IL17F: variants seen among roughly 807,000 people sequenced by gnomAD.
IL17F encodes the protein interleukin 17F.
A neutral mutation model predicts 8.3 loss-of-function variants in IL17F; 6 were observed. That is an observed-to-expected ratio of 0.73 (90% confidence interval 0.40 to 1.43). The LOEUF is 1.43. Among genes scored for constraint, IL17F ranks in the 40% most tolerant of loss-of-function variants. IL17F has a pLI of 0.02. For missense variants in IL17F, 204 were observed against 209.6 expected, an observed-to-expected ratio of 0.97 and a Z score of 0.17; for synonymous variants, 98 against 81.6, an observed-to-expected ratio of 1.20 and a Z score of -1.08.
At chr6:52,238,440 C>T (rs1030133201) in intron 2 of IL17F, among the ~76,000 whole-genome samples, 3 of 152,142 alleles carry the variant, frequency 2.0e-5, no homozygotes, top group Admixed American at 2.0e-4. Flanking sequence ...TTTAAAGAAC[C>T]CTCTCTTCCA....
In IL17F at chr6:52,237,023, G is replaced by T. The variant is rs1316494362; in HGVS notation, c.400C>A (p.His134Asn). 1.9e-6 allele frequency: 3 copies of T among 1,614,232 alleles called. No homozygotes were observed. The highest frequency in any genetic ancestry group is 2.5e-6 in the Non-Finnish European group (3 of 1,180,026). Residue 134 changes from histidine (H) to asparagine (N), a missense_variant, in exon 3 of 3, where the codon CAC (histidine) becomes AAC (asparagine). By Grantham distance (68) the His-to-Asn change is moderately conservative. Transcript: ENST00000336123. ...QQETLVVRRKHQGCSVSFQLE... is the reference protein window; with the variant it reads ...QQETLVVRRKNQGCSVSFQLE... Reference sequence around the variant, plus strand: ...TGGAAAGAAACAGAGCAGCCTTGGTGCTTCCTCCGGACGACCAGGGTCTCT... The same window carrying T: ...TGGAAAGAAACAGAGCAGCCTTGGTTCTTCCTCCGGACGACCAGGGTCTCT...
rs780766050 is a variant in IL17F at position 52,238,796 on chromosome 6, T to C, written c.188A>G (p.Asn63Ser). The C allele has an allele frequency of 2.2e-5, 35 of 1,614,068 alleles. No homozygotes were observed. Among genetic ancestry groups the C allele is most frequent in the Non-Finnish European group, 2.3e-5 (27 of 1,180,032 alleles). ...GSMKLDIGII[N>S]ENQRVSMSRN... ...TGACATGGAAACGCGCTGGTTTTCA[T>C]TGATGATGCCAATGTCAAGCTTCAT... The change falls in exon 2 of 3, where the codon AAT (asparagine) becomes AGT (serine). Residue 63 changes from asparagine to serine, a missense_variant. Transcript: ENST00000336123.
intron 2 of IL17F, 73 bp downstream of exon 2, chr6:52,238,657 T>C (rs1764010959): frequency 1.6e-6 from 2 of 1,289,380 alleles, no homozygotes; most frequent in Non-Finnish European, 2.2e-6. Flanking sequence ...TATTCTACAT[T>C]TTCTACTTTA....
intron 1 of IL17F, among the ~76,000 whole-genome samples, chr6:52,243,261 T>C (rs1764102983): frequency 2.0e-5 from 3 of 152,230 alleles, no homozygotes; most frequent in Admixed American, 2.0e-4. Context: ...AATAATATGA[T>C]GCGGGATTTC....
rs963528810 is a variant in IL17F at position 52,244,483 on chromosome 6, C to T, written c.-54G>A. ...AAGCTCTTTCTGTGAATGTATCTTC[C>T]TGTGTATGCCTGTGTTCTATCAATG... is the stretch of plus-strand genomic sequence containing the variant. On this transcript the variant is annotated 5_prime_UTR_variant, in exon 1 of 3. Coordinates refer to ENST00000336123, the MANE Select transcript of IL17F (RefSeq NM_052872.4). The T allele has an allele frequency of 2.6e-6, 4 of 1,516,010 alleles. No individual in the cohort carries two copies. The East Asian group carries it at 6.8e-5, about 26-fold the overall frequency. 93.9% of individuals were successfully genotyped at this position (1,516,010 alleles called of 1,614,324 possible).
In IL17F at chr6:52,237,051, C is replaced by T. The variant is rs1193540691; in HGVS notation, c.372G>A (p.Gln124=). 1 of 1,614,242 alleles carries T rather than the reference C, an allele frequency of 6.2e-7. No individual in the cohort carries two copies. The highest frequency in any genetic ancestry group is 1.1e-5 in the South Asian group (1 of 91,090). Residue 124 remains glutamine (Q), a synonymous_variant, in exon 3 of 3, where the codon CAG becomes CAA. Transcript: ENST00000336123. ...TCCTCCGGACGACCAGGGTCTCTTG[C>T]TGGATGGGAACGGAATTCATGGAGA... ...EDISMNSVPI[Q]QETLVVRRKH...
At chr6:52,242,621 C>T (rs556675366) in intron 1 of IL17F, among the ~76,000 whole-genome samples, 2 of 152,318 alleles carry the variant, frequency 1.3e-5, no homozygotes, top group East Asian at 3.9e-4. Flanking sequence ...GAAAAGCATA[C>T]TGTATGTGGA....
chr6:52,241,006 G>A (rs1764065081), intron 1 of IL17F, among the ~76,000 whole-genome samples: 1 of 152,162 alleles, frequency 6.6e-6, no homozygotes, highest in South Asian at 2.1e-4. Context: ...GTGCTACACA[G>A]TGGACTAGAC....
intron 1 of IL17F, among the ~76,000 whole-genome samples, chr6:52,242,334 C>A (rs896223891): frequency 3.3e-5 from 5 of 152,218 alleles, no homozygotes; most frequent in African/African-American, 1.2e-4. Flanking sequence ...CCTCTATACT[C>A]ACCAGCAATG....
In IL17F at chr6:52,236,879, G is replaced by T; in HGVS notation, c.*52C>A. The T allele has an allele frequency of 7.1e-7, 1 of 1,415,070 alleles. No individual in the cohort carries two copies. Among genetic ancestry groups the T allele is most frequent in the Non-Finnish European group, 1.0e-6 (1 of 999,072 alleles). The allele number at this position is 1,415,070 out of a possible 1,614,324, so 87.7% of individuals were successfully genotyped here. A position where few individuals can be genotyped will look rare whatever the true frequency, so the allele number is the denominator to read the frequency against. On this transcript the variant is annotated 3_prime_UTR_variant, in exon 3 of 3. Transcript: ENST00000336123. The stretch of plus-strand genomic sequence containing the variant: ...CAGACAGGACTTGTTGCAGAGCACT[G>T]GGTAAGGAGTGGCATTTCTACAGCT...
intron 1 of IL17F, among the ~76,000 whole-genome samples, chr6:52,243,848 C>T (rs527861588): frequency 1.3e-5 from 2 of 152,188 alleles, no homozygotes; most frequent in East Asian, 1.9e-4. Context: ...TTGCAACCTC[C>T]GCCTCCCAGG....
chr6:52,240,734 T>C (rs906456725), intron 1 of IL17F, among the ~76,000 whole-genome samples: 7 of 152,042 alleles, frequency 4.6e-5, no homozygotes, highest in African/African-American at 1.2e-4. Flanking sequence ...TAATCAGCAA[T>C]CATCAACTTT....
In IL17F at chr6:52,236,999, G is replaced by T; in HGVS notation, c.424C>A (p.Gln142Lys). 6.2e-7 allele frequency: 1 copy of T among 1,614,180 alleles called. No individual in the cohort carries two copies. The highest frequency in any genetic ancestry group is 2.2e-5 in the East Asian group (1 of 44,884). The change falls in exon 3 of 3, where the codon CAG (glutamine) becomes AAG (lysine). Residue 142 changes from glutamine (Q) to lysine (K), a missense_variant. Coordinates refer to ENST00000336123, the MANE Select transcript of IL17F (RefSeq NM_052872.4). Reference protein sequence around the residue: ...RKHQGCSVSFQLEKVLVTVGC... With the variant: ...RKHQGCSVSFKLEKVLVTVGC... ...ACAGTCACCAGCACCTTCTCCAACT[G>T]GAAAGAAACAGAGCAGCCTTGGTGC...
intron 1 of IL17F, among the ~76,000 whole-genome samples, chr6:52,240,436 T>TG (rs1308217988): frequency 5.6e-5 from 5 of 88,614 alleles, no homozygotes; most frequent in African/African-American, 1.4e-4. Flanking sequence ...GACTCCTGCT[T>TG]GGAAAAAAAA....
Position 52,238,820 on chromosome 6 carries a change from A to G in IL17F, c.164T>C (p.Met55Thr). 1 of 1,614,168 alleles carries G rather than the reference A, an allele frequency of 6.2e-7. No homozygotes were observed. Among genetic ancestry groups the G allele is most frequent in the Non-Finnish European group, 8.5e-7 (1 of 1,180,008 alleles). ...ESCPPVPGGS[M>T]KLDIGIINEN... ...ATTGATGATGCCAATGTCAAGCTTC[A>G]TACTACCTCCTGGCACAGGCGGGCA... Residue 55 changes from methionine (M) to threonine (T), a missense_variant, in exon 2 of 3, where the codon ATG (methionine) becomes ACG (threonine). Met to Thr is a moderately conservative substitution (Grantham distance 81). Coordinates refer to ENST00000336123, the MANE Select transcript of IL17F (RefSeq NM_052872.4).
chr6:52,238,854 G>A lies in IL17F; in HGVS notation c.130C>T (p.Pro44Ser), dbSNP rs1331321771. The change falls in exon 2 of 3, where the codon CCT becomes TCT. Residue 44 changes from proline to serine, a missense_variant. By Grantham distance (74) the Pro-to-Ser change is moderately conservative. Coordinates refer to ENST00000336123, the MANE Select transcript of IL17F (RefSeq NM_052872.4). The part of the protein sequence containing the change: ...PKVGHTFFQK[P>S]ESCPPVPGGS... Reference sequence around the variant, plus strand: ...CCTGGCACAGGCGGGCAACTCTCAGGCTTTTGGAAAAAAGTATGTCCTACT... The same window carrying A: ...CCTGGCACAGGCGGGCAACTCTCAGACTTTTGGAAAAAAGTATGTCCTACT... 1.2e-6 allele frequency: 2 copies of A among 1,614,004 alleles called. No homozygotes were observed. Among genetic ancestry groups the A allele is most frequent in the Non-Finnish European group, 8.5e-7 (1 of 1,179,902 alleles).
chr6:52,237,619 G>A (rs1372035831), intron 2 of IL17F, among the ~76,000 whole-genome samples: 1 of 151,924 alleles, frequency 6.6e-6, no homozygotes, highest in African/African-American at 2.4e-5. Context: ...AGCCCCAGAG[G>A]TCTGTGAATC....
At chr6:52,242,718 T>C (rs1379015261) in intron 1 of IL17F, among the ~76,000 whole-genome samples, 1 of 152,240 alleles carries the variant, frequency 6.6e-6, no homozygotes, top group Non-Finnish European at 1.5e-5. Context: ...CTTTTGTTCA[T>C]CTGTATAAAG....
Position 52,237,121 on chromosome 6 carries a change from T to G in IL17F, c.302A>C (p.Gln101Pro). The G allele has an allele frequency of 6.2e-7, 1 of 1,614,194 alleles. No homozygotes were observed. Among genetic ancestry groups the G allele is most frequent in the Admixed American group, 1.7e-5 (1 of 60,030 alleles). ...NRYPSEVVQA[Q>P]CRNLGCINAQ... is the part of the protein sequence containing the mutation. ...ATTGATGCAGCCCAAGTTCCTACAC[T>G]GGGCCTGTACAACTTCCGAGGGGTA... The change falls in exon 3 of 3, where the codon CAG (glutamine) becomes CCG (proline). Residue 101 changes from glutamine to proline, a missense_variant. Physicochemically the swap from Gln to Pro is moderately conservative, Grantham distance 76. Coordinates refer to ENST00000336123, the MANE Select transcript of IL17F (RefSeq NM_052872.4).
Sources: gnomAD v4.1 joint callset for allele counts (sites outside exome capture counted in the v4.1 genomes callset) on GRCh38, gnomAD v4.1.1 for gene constraint, MANE v1.5 for transcripts, NCBI Gene and HGNC (gene_info 2026-07-23, HGNC 2026-07-21) for gene names.